Variants in VEGFC observed in about 807,000 individuals in gnomAD.
VEGFC encodes the protein FLT4 ligand DHM.
A neutral mutation model predicts 46.1 loss-of-function variants in VEGFC; 12 were observed. That is an observed-to-expected ratio of 0.26 (90% CI 0.17 to 0.42). The LOEUF (loss-of-function observed/expected upper bound fraction) is 0.42, where lower values mean the gene tolerates loss of function less well. Among genes scored for constraint, VEGFC ranks in the 10% least tolerant of loss-of-function variants. The pLI is 1.00. For missense variants in VEGFC, 488 were observed against 529.4 expected (o/e 0.92, Z 0.77); for synonymous variants, 232 against 195.5 (o/e 1.19, Z -1.56).
intron 3 of VEGFC, among the ~76,000 whole-genome samples, chr4:176,725,158 G>A (rs1734852312): frequency 1.3e-5 from 2 of 152,122 alleles, no homozygotes; most frequent in Non-Finnish European, 2.9e-5. Context: ...TTTTGTACAG[G>A]TATCAACATA....
chr4:176,786,420 C>T (rs565198062), intron 1 of VEGFC, among the ~76,000 whole-genome samples: 4 of 152,276 alleles, frequency 2.6e-5, no homozygotes, highest in African/African-American at 9.6e-5. Flanking sequence ...CAAAACATCC[C>T]TCTCTCCCCC....
chr4:176,735,755 C>T (rs1020922929), intron 1 of VEGFC, among the ~76,000 whole-genome samples: 3 of 151,704 alleles, frequency 2.0e-5, no homozygotes, highest in Non-Finnish European at 2.9e-5. Context: ...ATGTAAGGGG[C>T]CATGGGACCA....
chr4:176,712,599 A>G (rs942287416), intron 3 of VEGFC, among the ~76,000 whole-genome samples: 1 of 152,198 alleles, frequency 6.6e-6, no homozygotes, highest in Non-Finnish European at 1.5e-5. Flanking sequence ...TAATTGATCC[A>G]TGTATTACTT....
Position 176,780,387 on chromosome 4 carries a change from A to AAAAACAAAAAAAAAC in VEGFC, c.147+11777_147+11778insGTTTTTTTTTGTTTT, listed in dbSNP as rs1553997796. Among the ~76,000 whole-genome samples the AAAAACAAAAAAAAAC allele has an allele frequency of 9.6e-5, 11 of 114,760 alleles. 1 individual carries two copies. The highest frequency in any genetic ancestry group is 3.1e-4 in the Admixed American group (3 of 9,576). The allele number at this position is 114,760 out of a possible 152,430, so 75.3% of individuals were successfully genotyped here. On this transcript the variant is annotated intron_variant, in intron 1 of 6. Transcript: ENST00000618562. ...ACAGAGCGAGACTCCATCTCAAAAA[A>AAAAACAAAAAAAAAC]AAAAAAAAAAAACTCCTTCTAACCC... is the stretch of plus-strand genomic sequence containing the variant.
chr4:176,768,697 G>A (rs1735674791), intron 1 of VEGFC, among the ~76,000 whole-genome samples: 5 of 151,584 alleles, frequency 3.3e-5, no homozygotes, highest in African/African-American at 9.7e-5. Flanking sequence ...ATATACCCCA[G>A]GAGACAATAT....
chr4:176,738,437 A>G (rs532062451), intron 1 of VEGFC, among the ~76,000 whole-genome samples: 1 of 152,226 alleles, frequency 6.6e-6, no homozygotes, highest in African/African-American at 2.4e-5. Context: ...ACCTGACAAA[A>G]ATAAACAATA....
At chr4:176,738,747 T>C (rs763526187) in intron 1 of VEGFC, among the ~76,000 whole-genome samples, 4 of 151,884 alleles carry the variant, frequency 2.6e-5, no homozygotes, top group Non-Finnish European at 4.4e-5. Flanking sequence ...AAAGAAACTA[T>C]CATCGGAGTT....
At chr4:176,717,068 T>C (rs1288179934) in intron 3 of VEGFC, among the ~76,000 whole-genome samples, 1 of 152,154 alleles carries the variant, frequency 6.6e-6, no homozygotes, top group Admixed American at 6.5e-5. Context: ...ATTTTGAAAA[T>C]TATGATTTTT....
At chr4:176,690,183 C>T (rs1379890196) in intron 4 of VEGFC, among the ~76,000 whole-genome samples, 1 of 152,158 alleles carries the variant, frequency 6.6e-6, no homozygotes, top group Non-Finnish European at 1.5e-5. Context: ...ACAATCTTCA[C>T]ATAAACTGTT....
chr4:176,765,190 C>T (rs1735597420), intron 1 of VEGFC, among the ~76,000 whole-genome samples: 1 of 150,770 alleles, frequency 6.6e-6, no homozygotes, highest in African/African-American at 2.4e-5. Flanking sequence ...AAATAGGTCT[C>T]AATATATGGA....
chr4:176,706,649 A>AAT (rs1228032544), intron 4 of VEGFC, among the ~76,000 whole-genome samples: 18 of 150,930 alleles, frequency 1.2e-4, no homozygotes, highest in Admixed American at 6.6e-5. Flanking sequence ...AAAAAAAAAA[A>AAT]AAAAAGAGAA....
At chr4:176,782,872 C>G (rs943197280) in intron 1 of VEGFC, among the ~76,000 whole-genome samples, 1 of 152,302 alleles carries the variant, frequency 6.6e-6, no homozygotes, top group African/African-American at 2.4e-5. Context: ...CAACTAACAT[C>G]TGCACTGGAA....
chr4:176,780,391 A>AAAAAAACAAAC (rs559890197), intron 1 of VEGFC, among the ~76,000 whole-genome samples: 10 of 148,678 alleles, frequency 6.7e-5, no homozygotes, highest in East Asian at 2.2e-4. Flanking sequence ...CAAAAAAAAA[A>AAAAAAACAAAC]AAAAAAAACT....
intron 1 of VEGFC, among the ~76,000 whole-genome samples, chr4:176,779,898 G>T (rs1168284914): frequency 6.6e-6 from 1 of 152,192 alleles, no homozygotes; most frequent in East Asian, 1.9e-4. Context: ...TGTGTCTTCA[G>T]AACTTTGTGT....
At chr4:176,730,150 A>C (rs1396812234) in intron 1 of VEGFC, among the ~76,000 whole-genome samples, 1 of 152,200 alleles carries the variant, frequency 6.6e-6, no homozygotes, top group Non-Finnish European at 1.5e-5. Flanking sequence ...TACCAGCAAC[A>C]ATACAATATG....
intron 1 of VEGFC, among the ~76,000 whole-genome samples, chr4:176,730,930 A>G (rs1415275722): frequency 1.3e-5 from 2 of 152,098 alleles, no homozygotes; most frequent in East Asian, 1.9e-4. Flanking sequence ...CCTAAAAATA[A>G]AAGTCAATTA....
chr4:176,712,647 T>C (rs991483683), intron 3 of VEGFC, among the ~76,000 whole-genome samples: 5 of 152,162 alleles, frequency 3.3e-5, no homozygotes, highest in African/African-American at 1.2e-4. Context: ...ATAAAAAAGA[T>C]GACAAACTTC....
At chr4:176,732,808 T>C (rs1197830067) in intron 1 of VEGFC, among the ~76,000 whole-genome samples, 4 of 151,896 alleles carry the variant, frequency 2.6e-5, no homozygotes, top group African/African-American at 9.6e-5. Flanking sequence ...GCAATTTACA[T>C]AATTTTTAAA....
At chr4:176,705,525 A>G (rs1271074889) in intron 4 of VEGFC, among the ~76,000 whole-genome samples, 1 of 152,196 alleles carries the variant, frequency 6.6e-6, no homozygotes, top group Non-Finnish European at 1.5e-5. Context: ...GGTTTCAGAA[A>G]TAAAATGATT....
Sources: allele counts gnomAD v4.1 joint callset (sites outside exome capture counted in the v4.1 genomes callset), GRCh38; gene constraint gnomAD v4.1.1; transcripts MANE v1.5; gene names NCBI Gene and HGNC (gene_info 2026-07-23, HGNC 2026-07-21).